PITX1: variants seen among roughly 807,000 people sequenced by gnomAD.
PITX1 encodes pituitary homeobox 1.
A neutral mutation model predicts 24.1 loss-of-function variants in PITX1; 5 were observed. That is an observed-to-expected ratio of 0.21 (90% confidence interval 0.11 to 0.44). The LOEUF (loss-of-function observed/expected upper bound fraction) is 0.44, where lower values mean the gene tolerates loss of function less well. Among genes scored for constraint, PITX1 ranks in the 20% least tolerant of loss-of-function variants. PITX1 has a pLI of 0.99. For missense variants in PITX1, 401 were observed against 455.4 expected, an observed-to-expected ratio of 0.88 and a Z score of 1.09; for synonymous variants, 213 against 208.9, an observed-to-expected ratio of 1.02 and a Z score of -0.17.
rs1242159877 is a variant in PITX1 at position 135,029,324 on chromosome 5, G to C, written c.403-3C>G. ...GCTCGCCGGTTCTTGAACCAGACCTGGGGGAGGGGACGGGAGAAGGGTCAG... is the reference window on the plus strand; with the variant it reads ...GCTCGCCGGTTCTTGAACCAGACCTCGGGGAGGGGACGGGAGAAGGGTCAG... On this transcript the variant is annotated splice_region_variant and splice_polypyrimidine_tract_variant and intron_variant, in intron 2 of 2. Transcript: ENST00000265340. 1 of 1,586,988 alleles carries C rather than the reference G, an allele frequency of 6.3e-7. No individual in the cohort carries two copies. Among genetic ancestry groups the C allele is most frequent in the Non-Finnish European group, 8.6e-7 (1 of 1,165,754 alleles).
At position 135,029,330 on chromosome 5, in the gene PITX1, G is replaced by C. The variant is rs370998912; in HGVS notation, c.403-9C>G. On this transcript the variant is annotated splice_polypyrimidine_tract_variant and intron_variant, in intron 2 of 2. Coordinates refer to ENST00000265340, the MANE Select transcript of PITX1 (RefSeq NM_002653.5). ...CGGTTCTTGAACCAGACCTGGGGGA[G>C]GGGACGGGAGAAGGGTCAGGGCCGC... The C allele has an allele frequency of 5.1e-6, 8 of 1,582,412 alleles. No homozygotes were observed. The South Asian group carries it at 8.2e-5, about 16-fold the overall frequency.
At position 135,029,319 on chromosome 5, in the gene PITX1, G is replaced by A; in HGVS notation, c.405C>T (p.Val135=). Residue 135 remains valine, a splice_region_variant and synonymous_variant, in exon 3 of 3, where the codon GTC becomes GTT. Coordinates refer to ENST00000265340, the MANE Select transcript of PITX1 (RefSeq NM_002653.5). ...WTNLTEPRVR[V]WFKNRRAKWR... is the part of the protein sequence containing the mutation. ...ACTTGGCTCGCCGGTTCTTGAACCAGACCTGGGGGAGGGGACGGGAGAAGG... is the reference window on the plus strand; with the variant it reads ...ACTTGGCTCGCCGGTTCTTGAACCAAACCTGGGGGAGGGGACGGGAGAAGG... 1 of 1,589,768 alleles carries A rather than the reference G, an allele frequency of 6.3e-7. No individual in the cohort carries two copies. The highest frequency in any genetic ancestry group is 8.6e-7 in the Non-Finnish European group (1 of 1,167,172).
chr5:135,029,412 C>A (rs1230596919), intron 2 of PITX1, 91 bp from the exon 3 acceptor site: 8 of 1,030,224 alleles, frequency 7.8e-6, no homozygotes, highest in Non-Finnish European at 1.1e-5. Flanking sequence ...TCCGTCGGCC[C>A]GCTGCCCTCC....
intron 2 of PITX1, among the ~76,000 whole-genome samples, chr5:135,030,500 T>C (rs1163730037): frequency 2.0e-5 from 3 of 152,198 alleles, no homozygotes; most frequent in Admixed American, 6.5e-5. Context: ...CAATATCTGA[T>C]TAAATATTTA....
intron 2 of PITX1, among the ~76,000 whole-genome samples, chr5:135,029,893 C>G (rs978370964): frequency 6.6e-6 from 1 of 152,078 alleles, no homozygotes; most frequent in Admixed American, 6.6e-5. Flanking sequence ...TTGTTTATCC[C>G]CCATTTTTGA....
chr5:135,027,820 C>G lies in PITX1; in HGVS notation c.*959G>C, dbSNP rs1752371835. On this transcript the variant is annotated 3_prime_UTR_variant, in exon 3 of 3. Coordinates refer to ENST00000265340, the MANE Select transcript of PITX1 (RefSeq NM_002653.5). ...TTTATTACAGTCAGTCCAACATACA[C>G]AGGGACGCTGTAAACAGGGGCGCGG... is the stretch of plus-strand genomic sequence containing the variant. 6.5e-6 allele frequency: 1 copy of G among 152,932 alleles called. No homozygotes were observed. The highest frequency in any genetic ancestry group is 2.4e-5 in the African/African-American group (1 of 41,482). The allele number at this position is 152,932 out of a possible 1,614,324, so 9.5% of individuals were successfully genotyped here.
rs541401874 is a variant in PITX1, at chr5:135,033,067, C to G, written c.169+646G>C. 1 of 444,148 alleles carries G rather than the reference C, an allele frequency of 2.3e-6. No individual in the cohort carries two copies. Among genetic ancestry groups the G allele is most frequent in the Non-Finnish European group, 4.5e-6 (1 of 221,502 alleles). The allele number at this position is 444,148 out of a possible 1,614,324, so 27.5% of individuals were successfully genotyped here. A position where few individuals can be genotyped will look rare whatever the true frequency, so the allele number is the denominator to read the frequency against. On this transcript the variant is annotated intron_variant, in intron 1 of 2. Coordinates refer to ENST00000265340, the MANE Select transcript of PITX1 (RefSeq NM_002653.5). This position sits in a 1 kb window ranked among gnomAD's most constrained non-coding sequence, Gnocchi z 5.9. ...AGCGCGGAGGGAGACGCGCAGGAGC[C>G]GGGGCGGGGGCCAGAGCCGGGCTGC... is the stretch of plus-strand genomic sequence containing the variant.
At position 135,031,444 on chromosome 5, in the gene PITX1, G is replaced by T. The variant is rs760042807; in HGVS notation, c.234C>A (p.Gly78=). The T allele has an allele frequency of 2.5e-6, 4 of 1,613,748 alleles. No homozygotes were observed. Among genetic ancestry groups the T allele is most frequent in the Non-Finnish European group, 3.4e-6 (4 of 1,179,908 alleles). ...EDSGAGGTGC[G]GADDPAKKKK... ...TCTTCTTGGCTGGGTCGTCTGCGCC[G>T]CCGCAGCCCGTGCCTCCCGCACCAC... Residue 78 remains glycine (G), a synonymous_variant, in exon 2 of 3, where the codon GGC becomes GGA. Coordinates refer to ENST00000265340, the MANE Select transcript of PITX1 (RefSeq NM_002653.5).
chr5:135,031,700 G>A (rs556052506), intron 1 of PITX1, 192 bp from the exon 2 acceptor site: 19 of 602,546 alleles, frequency 3.2e-5, no homozygotes, highest in Non-Finnish European at 4.1e-5. Context: ...CTAGTCTGGT[G>A]TGCCGCGGAG....
chr5:135,034,295 T>G (rs1406199650), upstream of PITX1: 6 of 27,492 alleles, frequency 2.2e-4, no homozygotes, highest in Non-Finnish European at 3.2e-4. Flanking sequence ...GGGGTGGGCC[T>G]GGGTGGGAGG....
In PITX1 at chr5:135,033,659, C is replaced by T. The variant is rs569861331; in HGVS notation, c.169+54G>A. The T allele has an allele frequency of 3.2e-6, 5 of 1,567,130 alleles. No homozygotes were observed. The African/African-American group carries it at 5.4e-5, about 17-fold the overall frequency. On this transcript the variant is annotated intron_variant, in intron 1 of 2. Coordinates refer to ENST00000265340, the MANE Select transcript of PITX1 (RefSeq NM_002653.5). This position sits in a 1 kb window ranked among gnomAD's most constrained non-coding sequence, Gnocchi z 5.9. ...GCGTCAGGCCCTGCTCCCAGCTCCC[C>T]GTGCTCCGCGCCCGGGTAGGCTCTG... is the stretch of plus-strand genomic sequence containing the variant.
rs1204988805 is a variant in PITX1, at chr5:135,031,829, T to TTTTG, written c.170-325_170-322dup. The TTTTG allele has an allele frequency of 1.3e-5, 6 of 471,138 alleles. No individual in the cohort carries two copies. In the Admixed American group the frequency reaches 1.5e-4, roughly 12 times the overall value. The allele number at this position is 471,138 out of a possible 1,614,324, so 29.2% of individuals were successfully genotyped here. A position where few individuals can be genotyped will look rare whatever the true frequency, so the allele number is the denominator to read the frequency against. On this transcript the variant is annotated intron_variant, in intron 1 of 2. Coordinates refer to ENST00000265340, the MANE Select transcript of PITX1 (RefSeq NM_002653.5). ...CTGATGTTCCCAGCAAATGTATGCT[T>TTTTG]TTTGTTTGTTTGTTTTGCGAACTCT... is the stretch of plus-strand genomic sequence containing the variant.
At chr5:135,030,113 T>C (rs1752423447) in intron 2 of PITX1, among the ~76,000 whole-genome samples, 1 of 152,208 alleles carries the variant, frequency 6.6e-6, no homozygotes, top group African/African-American at 2.4e-5. Context: ...CTTCTAATCT[T>C]CCTGCCCTTC....
chr5:135,029,428 T>C, intron 2 of PITX1, 107 bp from the exon 3 acceptor site: 1 of 863,544 alleles, frequency 1.2e-6, no homozygotes, highest in Non-Finnish European at 1.8e-6. Flanking sequence ...CCTCCGAACG[T>C]CGTTTCTCTC....
chr5:135,031,482 C>T lies in PITX1; in HGVS notation c.196G>A (p.Gly66Arg). Residue 66 changes from glycine (G) to arginine (R), a missense_variant, in exon 2 of 3, where the codon GGG (glycine) becomes AGG (arginine). Physicochemically the swap from Gly to Arg is moderately radical, Grantham distance 125. Transcript: ENST00000265340. ...PEKERGGEPK[G>R]PEDSGAGGTG... ...CCTCCCGCACCACTGTCCTCGGGCC[C>T]CTTGGGTTCCCCGCCGCGCTCCTTC... 6.2e-7 allele frequency: 1 copy of T among 1,612,770 alleles called. No individual in the cohort carries two copies. Among genetic ancestry groups the T allele is most frequent in the Non-Finnish European group, 8.5e-7 (1 of 1,179,792 alleles).
rs542553856 is a variant in PITX1, at chr5:135,033,966, G to C, written c.-85C>G. On this transcript the variant is annotated 5_prime_UTR_variant, in exon 1 of 3. Transcript: ENST00000265340. The surrounding 1 kb of genome is among the most constrained non-coding windows in gnomAD (Gnocchi z 5.9). ...GGCTGCGACCTGCGGGGACAAGAGC[G>C]CAGCGCCTAAGCGGCTGCCCTCCAG... The C allele has an allele frequency of 1.4e-3, 1,327 of 926,952 alleles. 1 individual carries two copies. Among genetic ancestry groups the C allele is most frequent in the Non-Finnish European group, 1.8e-3 (1,269 of 704,974 alleles). The allele number at this position is 926,952 out of a possible 1,614,324, so 57.4% of individuals were successfully genotyped here.
rs1317444283 is a variant in PITX1, at chr5:135,028,918, G to A, written c.806C>T (p.Ser269Leu). 2.5e-6 allele frequency: 4 copies of A among 1,613,792 alleles called. No individual in the cohort carries two copies. The highest frequency in any genetic ancestry group is 2.5e-6 in the Non-Finnish European group (3 of 1,179,946). Residue 269 changes from serine to leucine, a missense_variant, in exon 3 of 3, where the codon TCG (serine) becomes TTG (leucine). Coordinates refer to ENST00000265340, the MANE Select transcript of PITX1 (RefSeq NM_002653.5). ...PGACPYGTPA[S>L]PYSVYRDTCN... ...CGTGTCCCGGTAGACGCTGTAGGGC[G>A]AGGCGGGAGTGCCGTACGGGCAAGC... is the stretch of plus-strand genomic sequence containing the variant.
chr5:135,033,093 T>C lies in PITX1; in HGVS notation c.169+620A>G. 1 of 411,290 alleles carries C rather than the reference T, an allele frequency of 2.4e-6. No homozygotes were observed. The highest frequency in any genetic ancestry group is 4.8e-6 in the Non-Finnish European group (1 of 206,286). 25.5% of individuals were successfully genotyped at this position (411,290 alleles called of 1,614,324 possible). On this transcript the variant is annotated intron_variant, in intron 1 of 2. Coordinates refer to ENST00000265340, the MANE Select transcript of PITX1 (RefSeq NM_002653.5). This position sits in a 1 kb window ranked among gnomAD's most constrained non-coding sequence, Gnocchi z 5.9. ...GGGGCGGGGGCCAGAGCCGGGCTGC[T>C]CCGGGCTTCGGCCGCGCACGTGGGC...
rs758553907 is a variant in PITX1 at position 135,028,756 on chromosome 5, G to GC, written c.*22dup. 1.3e-6 allele frequency: 2 copies of GC among 1,539,056 alleles called. No homozygotes were observed. Among genetic ancestry groups the GC allele is most frequent in the Non-Finnish European group, 1.7e-6 (2 of 1,143,446 alleles). On this transcript the variant is annotated 3_prime_UTR_variant, in exon 3 of 3. Transcript: ENST00000265340. ...GCGCCCTTCCCCGCTCCGGCCGCCG[G>GC]CCCGCGTGGTGCGGCGGGGCGGTCA... is the stretch of plus-strand genomic sequence containing the variant.
Sources: allele counts gnomAD v4.1 joint callset (sites outside exome capture counted in the v4.1 genomes callset), GRCh38; gene constraint gnomAD v4.1.1; non-coding constraint Gnocchi (gnomAD v3.1); transcripts MANE v1.5; gene names NCBI Gene and HGNC (gene_info 2026-07-23, HGNC 2026-07-21).